OSBPL5: variants seen among roughly 807,000 people sequenced by gnomAD.
OSBPL5 encodes the protein oxysterol-binding protein-related protein 5.
Under a neutral mutation model 111.2 loss-of-function variants are expected in OSBPL5, and 71 were observed. The observed-to-expected ratio is 0.64, with a 90% CI of 0.53 to 0.78. The LOEUF is 0.78. Ranked by LOEUF, OSBPL5 falls within the 30% of genes least tolerant of loss-of-function variation. The pLI, the probability that OSBPL5 is intolerant of heterozygous loss-of-function variation, is 0.00. For synonymous variants in OSBPL5, 549 were observed against 513.9 expected (o/e 1.07, Z -0.93); for missense variants, 1,210 against 1,189.3 (o/e 1.02, Z -0.26).
chr11:3,119,506 G>A, intron 7 of OSBPL5, 41 bp downstream of exon 7: 1 of 1,539,616 alleles, frequency 6.5e-7, no homozygotes, highest in Non-Finnish European at 8.7e-7. Flanking sequence ...CCCACTTCAG[G>A]TGGGGGCACT....
At position 3,154,812 on chromosome 11, in the gene OSBPL5, T is replaced by C. The variant is rs1353346803; in HGVS notation, c.-22+10404A>G. ...TTTAAAGAGCCCCCTATATACCTAA[T>C]GTAAATGACGAGTTAATGGGTGCGG... On this transcript the variant is annotated intron_variant, in intron 1 of 21. Transcript: ENST00000263650. This position sits in a 1 kb window ranked among gnomAD's most constrained non-coding sequence, Gnocchi z 4.9. 6.6e-6 allele frequency among the ~76,000 whole-genome samples: 1 copy of C among 152,124 alleles called. No individual in the cohort carries two copies. The highest frequency in any genetic ancestry group is 1.5e-5 in the Non-Finnish European group (1 of 68,030).
chr11:3,127,194 C>A (rs1858656982), intron 2 of OSBPL5, among the ~76,000 whole-genome samples: 1 of 152,216 alleles, frequency 6.6e-6, no homozygotes, highest in African/African-American at 2.4e-5. Flanking sequence ...GCAGGGGAAG[C>A]CTGAGGTCTG....
At chr11:3,155,791 G>A (rs907049523) in intron 1 of OSBPL5, among the ~76,000 whole-genome samples, 3 of 152,362 alleles carry the variant, frequency 2.0e-5, no homozygotes, top group Admixed American at 1.3e-4. Context: ...TCTGGGGCTT[G>A]GCTGGTATTC....
chr11:3,159,688 C>T (rs890589777), intron 1 of OSBPL5, among the ~76,000 whole-genome samples: 3 of 152,130 alleles, frequency 2.0e-5, no homozygotes, highest in Non-Finnish European at 4.4e-5. Flanking sequence ...CTGGGGAGGG[C>T]CAGGGCCACG....
rs533478685 is a variant in OSBPL5 at position 3,163,748 on chromosome 11, T to C, written c.-22+1468A>G. Among the ~76,000 whole-genome samples, 6 of 152,254 alleles carry C rather than the reference T, an allele frequency of 3.9e-5. No homozygotes were observed. The South Asian group carries it at 1.2e-3, about 32-fold the overall frequency. ...TCCGGCCTATCTGCTGTGTCACCTT[T>C]CTTAAACACAGCCTGGCAAGACAGA... On this transcript the variant is annotated intron_variant, in intron 1 of 21. Transcript: ENST00000263650.
At chr11:3,160,040 C>T (rs1014239894) in intron 1 of OSBPL5, among the ~76,000 whole-genome samples, 1 of 152,208 alleles carries the variant, frequency 6.6e-6, no homozygotes, top group Non-Finnish European at 1.5e-5. Flanking sequence ...CCAGCCCCCT[C>T]CCTGCCCTGG....
chr11:3,127,793 G>A (rs1858680105), intron 2 of OSBPL5, among the ~76,000 whole-genome samples: 1 of 152,202 alleles, frequency 6.6e-6, no homozygotes, highest in Non-Finnish European at 1.5e-5. Context: ...CCCTGGGCAG[G>A]GGGAAGTCAG....
At chr11:3,115,838 C>G (rs1445847371) in intron 7 of OSBPL5, among the ~76,000 whole-genome samples, 3 of 149,582 alleles carry the variant, frequency 2.0e-5, no homozygotes, top group Admixed American at 1.3e-4. Context: ...GTTTGGAAAA[C>G]TAAGTCTCCT....
intron 1 of OSBPL5, among the ~76,000 whole-genome samples, chr11:3,152,248 G>A (rs1225785068): frequency 6.6e-6 from 1 of 152,184 alleles, no homozygotes; most frequent in Non-Finnish European, 1.5e-5. Flanking sequence ...CATGGTGCGT[G>A]TTTTCATAGT....
chr11:3,150,957 TTG>T (rs1344217667), intron 1 of OSBPL5, among the ~76,000 whole-genome samples: 2 of 152,192 alleles, frequency 1.3e-5, no homozygotes, highest in East Asian at 3.9e-4. Context: ...GAGGGTTGAA[TTG>T]TGTCTTCATG....
Position 3,088,081 on chromosome 11 carries a change from C to T in OSBPL5, c.*124G>A. 1 of 985,574 alleles carries T rather than the reference C, an allele frequency of 1.0e-6. No homozygotes were observed. The allele number at this position is 985,574 out of a possible 1,614,324, so 61.1% of individuals were successfully genotyped here. A position where few individuals can be genotyped will look rare whatever the true frequency, so the allele number is the denominator to read the frequency against. On this transcript the variant is annotated 3_prime_UTR_variant, in exon 22 of 22. Coordinates refer to ENST00000263650, the MANE Select transcript of OSBPL5 (RefSeq NM_020896.4). Reference sequence around the variant, plus strand: ...CTTGTGGCCCCGGGTCCCTCCTGCGCCTGGACTCCCCGTCACAGTGGCTGT... The same window carrying T: ...CTTGTGGCCCCGGGTCCCTCCTGCGTCTGGACTCCCCGTCACAGTGGCTGT...
intron 1 of OSBPL5, among the ~76,000 whole-genome samples, chr11:3,156,641 T>C (rs1037925584): frequency 6.6e-6 from 1 of 152,186 alleles, no homozygotes; most frequent in Non-Finnish European, 1.5e-5. Flanking sequence ...TTGACGACGC[T>C]GGGGTTGGTT....
chr11:3,159,894 A>G (rs747964130), intron 1 of OSBPL5, among the ~76,000 whole-genome samples: 2 of 152,160 alleles, frequency 1.3e-5, no homozygotes, highest in Non-Finnish European at 2.9e-5. Context: ...CGGGGTAACC[A>G]AGGTTTAGGA....
intron 1 of OSBPL5, among the ~76,000 whole-genome samples, chr11:3,160,671 C>CT (rs1491567456): frequency 3.6e-5 from 2 of 56,104 alleles, no homozygotes; most frequent in Non-Finnish European, 7.6e-5. Context: ...AATGACAACC[C>CT]TCCCCCCCCC....
At chr11:3,112,074 CATGTGTGTGTGCATGTGTGTGTGCAT>C (rs1564837713) in intron 7 of OSBPL5, among the ~76,000 whole-genome samples, 7 of 38,326 alleles carry the variant, frequency 1.8e-4, no homozygotes, top group African/African-American at 4.7e-4. Flanking sequence ...TGTGTGTGTG[CATGTGTGTGTGCATGTGTGTGTGCAT>C]ATGTGTGTGT....
chr11:3,093,397 T>A, intron 17 of OSBPL5, 130 bp downstream of exon 17: 2 of 1,366,562 alleles, frequency 1.5e-6, no homozygotes, highest in Non-Finnish European at 2.0e-6. Flanking sequence ...CCACCAGGGG[T>A]GCACCAGGCC....
rs960186512 is a variant in OSBPL5, at chr11:3,140,902, C to T, written c.-21-11733G>A. On this transcript the variant is annotated intron_variant, in intron 1 of 21. Transcript: ENST00000263650. This position sits in a 1 kb window ranked among gnomAD's most constrained non-coding sequence, Gnocchi z 4.5. ...TCTGGTCAGCCCATGGGTGTGACAG[C>T]CCAGGGGGCCCTGGGGCCAGGTGAC... Among the ~76,000 whole-genome samples the T allele has an allele frequency of 6.6e-6, 1 of 151,918 alleles. No homozygotes were observed. Among genetic ancestry groups the T allele is most frequent in the African/African-American group, 2.4e-5 (1 of 41,378 alleles).
Position 3,125,085 on chromosome 11 carries a change from C to T in OSBPL5, c.219+1388G>A, listed in dbSNP as rs778705331. ...CCTCCTGCAGGCCAGGTGGGTACCCCGTCCAGGCATGCCAGGTCCTCTGCT... is the reference window on the plus strand; with the variant it reads ...CCTCCTGCAGGCCAGGTGGGTACCCTGTCCAGGCATGCCAGGTCCTCTGCT... On this transcript the variant is annotated intron_variant, in intron 3 of 21. Coordinates refer to ENST00000263650, the MANE Select transcript of OSBPL5 (RefSeq NM_020896.4). Among the ~76,000 whole-genome samples the T allele has an allele frequency of 4.6e-5, 7 of 152,126 alleles. No individual in the cohort carries two copies. In the South Asian group the frequency reaches 6.2e-4, roughly 14 times the overall value.
chr11:3,094,570 C>A, intron 14 of OSBPL5: 1 of 505,314 alleles, frequency 2.0e-6, no homozygotes, highest in Non-Finnish European at 3.6e-6. Flanking sequence ...CTGGGAGGCA[C>A]GGAGCCTGGG....
Sources: allele counts gnomAD v4.1 joint callset (sites outside exome capture counted in the v4.1 genomes callset), GRCh38; gene constraint gnomAD v4.1.1; non-coding constraint Gnocchi (gnomAD v3.1); transcripts MANE v1.5; gene names NCBI Gene and HGNC (gene_info 2026-07-23, HGNC 2026-07-21).